CSMD1: variants seen among roughly 807,000 people sequenced by gnomAD.
CSMD1 encodes CUB and sushi domain-containing protein 1.
CSMD1 carries 213 observed loss-of-function variants against 417.5 expected under a neutral mutation model. That is an observed-to-expected ratio of 0.51 (90% CI 0.46 to 0.57). The LOEUF is 0.57. Ranked by LOEUF, CSMD1 falls within the 20% of genes least tolerant of loss-of-function variation. The pLI is 0.00. For synonymous variants in CSMD1, 2,862 were observed against 1,736.8 expected, an observed-to-expected ratio of 1.65 and a Z score of -16.11; for missense variants, 6,923 against 4,529.7, an observed-to-expected ratio of 1.53 and a Z score of -15.17.
At chr8:3,878,154 T>C (rs910253472) in intron 5 of CSMD1, among the ~76,000 whole-genome samples, 11 of 152,158 alleles carry the variant, frequency 7.2e-5, no homozygotes, top group Non-Finnish European at 1.0e-4. Context: ...TTTGTACATT[T>C]TTTGCACGAG....
intron 12 of CSMD1, among the ~76,000 whole-genome samples, chr8:3,443,824 G>A (rs886075744): frequency 6.6e-6 from 1 of 152,162 alleles, no homozygotes; most frequent in Non-Finnish European, 1.5e-5. Context: ...ATTTTAGATT[G>A]TTTTCAGCAC....
At chr8:4,230,741 G>A (rs1173914221) in intron 3 of CSMD1, among the ~76,000 whole-genome samples, 1 of 151,974 alleles carries the variant, frequency 6.6e-6, no homozygotes, top group Non-Finnish European at 1.5e-5. Flanking sequence ...CCGATTACAA[G>A]CTATTGAAAT....
intron 3 of CSMD1, among the ~76,000 whole-genome samples, chr8:4,228,635 C>G (rs1235459613): frequency 6.9e-6 from 1 of 144,184 alleles, no homozygotes; most frequent in Non-Finnish European, 1.5e-5. Context: ...TAACTTTTTC[C>G]AGTCTCACCC....
At position 3,110,652 on chromosome 8, in the gene CSMD1, C is replaced by T. The variant is rs74785111; in HGVS notation, c.6431-317G>A. On this transcript the variant is annotated intron_variant, in intron 42 of 69. Coordinates refer to ENST00000635120, the MANE Select transcript of CSMD1 (RefSeq NM_033225.6). ...CACTTGTGACCTGCTGATAACCCAT[C>T]TGAGTGTCCAGCACAATGAATTATG... is the stretch of plus-strand genomic sequence containing the variant. 7.1e-3 allele frequency among the ~76,000 whole-genome samples: 1,080 copies of T among 152,312 alleles called. 12 individuals carry two copies. Among genetic ancestry groups the T allele is most frequent in the African/African-American group, 0.024 (1,002 of 41,558 alleles).
intron 3 of CSMD1, among the ~76,000 whole-genome samples, chr8:4,339,973 G>C (rs1411904035): frequency 1.3e-5 from 2 of 152,088 alleles, no homozygotes; most frequent in African/African-American, 2.4e-5. Flanking sequence ...TCAGTGAGCG[G>C]TGATAGCAAC....
chr8:3,478,320 A>G (rs1287021726), intron 11 of CSMD1, among the ~76,000 whole-genome samples: 1 of 152,232 alleles, frequency 6.6e-6, no homozygotes, highest in Non-Finnish European at 1.5e-5. Context: ...AGGGGAAAAT[A>G]AAAGTTGACT....
intron 5 of CSMD1, among the ~76,000 whole-genome samples, chr8:3,896,223 T>G (rs549252853): frequency 3.3e-5 from 5 of 152,178 alleles, no homozygotes; most frequent in Admixed American, 6.5e-5. Context: ...TTCTATAGCC[T>G]GGTTGCTGTC....
At chr8:4,900,654 C>G (rs1242404553) in intron 1 of CSMD1, among the ~76,000 whole-genome samples, 2 of 152,174 alleles carry the variant, frequency 1.3e-5, no homozygotes, top group Non-Finnish European at 2.9e-5. Flanking sequence ...TGTACTCGCC[C>G]TACTCTCTGC....
chr8:4,674,969 G>C (rs183881854), intron 1 of CSMD1, among the ~76,000 whole-genome samples: 1 of 152,266 alleles, frequency 6.6e-6, no homozygotes, highest in East Asian at 1.9e-4. Context: ...GAGAGGACAC[G>C]GTGAGGAGGC....
intron 2 of CSMD1, among the ~76,000 whole-genome samples, chr8:4,530,077 A>G (rs1055534739): frequency 2.0e-5 from 3 of 150,824 alleles, no homozygotes; most frequent in African/African-American, 7.3e-5. Context: ...ACCACGCCCG[A>G]CTAGTTTTTT....
chr8:4,050,344 C>G (rs930427572), intron 3 of CSMD1, among the ~76,000 whole-genome samples: 5 of 152,114 alleles, frequency 3.3e-5, no homozygotes, highest in Admixed American at 3.3e-4. Flanking sequence ...ACAGAGCACC[C>G]ACTAAAGTAA....
intron 5 of CSMD1, among the ~76,000 whole-genome samples, chr8:3,826,075 C>T (rs532969363): frequency 6.6e-6 from 1 of 152,132 alleles, no homozygotes; most frequent in African/African-American, 2.4e-5. Flanking sequence ...TTTTGTAACA[C>T]CCAAGCTATA....
At chr8:4,892,782 G>C (rs6987123) in intron 1 of CSMD1, among the ~76,000 whole-genome samples, 54,093 of 151,712 alleles carry the variant, frequency 0.36, 10,200 homozygotes, top group East Asian at 0.51. Context: ...ATAATAATAG[G>C]GTATAAATCT....
At chr8:3,947,324 G>T (rs566065823) in intron 5 of CSMD1, among the ~76,000 whole-genome samples, 3 of 152,120 alleles carry the variant, frequency 2.0e-5, no homozygotes, top group Non-Finnish European at 4.4e-5. Flanking sequence ...TTAAGATTAT[G>T]AATTACAATG....
At position 4,141,000 on chromosome 8, in the gene CSMD1, G is replaced by A. The variant is rs539948792; in HGVS notation, c.416-108901C>T. ...AAAACATAAAAGATTTAGGCAGACA[G>A]AAAGACAGGTAATATTCCTTACAAA... On this transcript the variant is annotated intron_variant, in intron 3 of 69. Coordinates refer to ENST00000635120, the MANE Select transcript of CSMD1 (RefSeq NM_033225.6). 2.5e-4 allele frequency among the ~76,000 whole-genome samples: 38 copies of A among 151,274 alleles called. No homozygotes were observed. In the South Asian group the frequency reaches 7.9e-3, roughly 31 times the overall value.
At chr8:3,864,501 G>T (rs945500426) in intron 5 of CSMD1, among the ~76,000 whole-genome samples, 13 of 152,162 alleles carry the variant, frequency 8.5e-5, no homozygotes, top group Non-Finnish European at 1.3e-4. Context: ...AAGTTTTAGG[G>T]TACATGTGCA....
Position 3,665,674 on chromosome 8 carries a change from A to G in CSMD1, c.1009+42740T>C, listed in dbSNP as rs568251736. Among the ~76,000 whole-genome samples, 12 of 152,328 alleles carry G rather than the reference A, an allele frequency of 7.9e-5. No individual in the cohort carries two copies. In the South Asian group the frequency reaches 2.5e-3, roughly 32 times the overall value. On this transcript the variant is annotated intron_variant, in intron 7 of 69. Transcript: ENST00000635120. Reference sequence around the variant, plus strand: ...AATTCCACTTAATGGGACAAACAGAAAGATAAAACTCAGGAAATGTGAAAC... The same window carrying G: ...AATTCCACTTAATGGGACAAACAGAGAGATAAAACTCAGGAAATGTGAAAC...
At chr8:4,140,263 A>T (rs950706318) in intron 3 of CSMD1, among the ~76,000 whole-genome samples, 1 of 150,908 alleles carries the variant, frequency 6.6e-6, no homozygotes, top group Admixed American at 6.6e-5. Flanking sequence ...TTGGGAAGCT[A>T]AGGCGGGTGG....
At chr8:4,376,609 G>A (rs188524115) in intron 3 of CSMD1, among the ~76,000 whole-genome samples, 33 of 152,132 alleles carry the variant, frequency 2.2e-4, no homozygotes, top group Non-Finnish European at 4.4e-4. Context: ...AATTTTTAGG[G>A]GGGAATTAAA....
Sources: gnomAD v4.1 joint callset for allele counts (sites outside exome capture counted in the v4.1 genomes callset) on GRCh38, gnomAD v4.1.1 for gene constraint, MANE v1.5 for transcripts, NCBI Gene and HGNC (gene_info 2026-07-23, HGNC 2026-07-21) for gene names.